Variants in RAB27A observed in about 807,000 individuals in gnomAD.
RAB27A encodes ras-related protein Rab-27A.
A neutral mutation model predicts 20.8 loss-of-function variants in RAB27A; 17 were observed. That is an observed-to-expected ratio of 0.82 (90% CI 0.56 to 1.23). The LOEUF is 1.23. Ranked by LOEUF, RAB27A falls within the 50% of genes most tolerant of loss-of-function variation. The probability of loss-of-function intolerance (pLI) is 0.00; values close to 1 mark genes in which losing one functional copy is unlikely to be tolerated. For missense variants in RAB27A, 277 were observed against 266.7 expected (o/e 1.04, Z -0.27); for synonymous variants, 85 against 92.8 (o/e 0.92, Z 0.48).
intron 2 of RAB27A, among the ~76,000 whole-genome samples, chr15:55,243,754 T>C (rs1215808747): frequency 1.3e-5 from 2 of 152,146 alleles, no homozygotes. Context: ...CAGGGTACAA[T>C]GGGGATCCAA....
At position 55,278,784 on chromosome 15, in the gene RAB27A, G is replaced by C. The variant is rs549185058; in HGVS notation, c.-142-8500C>G. 1.2e-4 allele frequency among the ~76,000 whole-genome samples: 18 copies of C among 152,232 alleles called. 1 individual carries two copies. The highest frequency in any genetic ancestry group is 4.6e-4 in the Admixed American group (7 of 15,290). On this transcript the variant is annotated intron_variant, in intron 1 of 6. Coordinates refer to ENST00000336787, the MANE Select transcript of RAB27A (RefSeq NM_183235.3). The stretch of plus-strand genomic sequence containing the variant: ...GGCGTGAGCCACCGCACCTGGCCCA[G>C]TCTTCTAATTATTTAGTGAATTCAG...
intron 1 of RAB27A, chr15:55,314,163 C>CAAAAAA (rs11454060): frequency 2.0e-5 from 2 of 99,028 alleles, no homozygotes; most frequent in East Asian, 4.9e-4. Flanking sequence ...GACTGTATCT[C>CAAAAAA]AAAAAAAAAA....
intron 5 of RAB27A, 97 bp downstream of exon 5, chr15:55,228,512 C>G (rs554056276): frequency 1.0e-6 from 1 of 956,274 alleles, no homozygotes; most frequent in Non-Finnish European, 1.7e-6. Context: ...ACTAAGATCT[C>G]CTCCAAAACG....
At chr15:55,292,438 C>T (rs567402608), upstream of RAB27A, among the ~76,000 whole-genome samples, 1 of 152,288 alleles carries the variant, frequency 6.6e-6, no homozygotes, top group East Asian at 1.9e-4. Context: ...AATTAGCACG[C>T]TGTAATCCAA....
intron 2 of RAB27A, among the ~76,000 whole-genome samples, chr15:55,305,077 T>G (rs895316818): frequency 6.6e-6 from 1 of 152,156 alleles, no homozygotes; most frequent in Non-Finnish European, 1.5e-5. Context: ...TAGTGAGATC[T>G]CTTTACTACC....
At chr15:55,283,608 C>T (rs1214784904) in intron 1 of RAB27A, among the ~76,000 whole-genome samples, 1 of 152,114 alleles carries the variant, frequency 6.6e-6, no homozygotes, top group African/African-American at 2.4e-5. Flanking sequence ...GACTGTTACA[C>T]CTCTTCACTC....
At chr15:55,265,225 G>A (rs148824481) in intron 2 of RAB27A, among the ~76,000 whole-genome samples, 144 of 152,072 alleles carry the variant, frequency 9.5e-4, no homozygotes, top group African/African-American at 3.3e-3. Flanking sequence ...TGGGCGACAA[G>A]AGTAAAACTC....
chr15:55,286,692 T>A (rs1476970913), intron 1 of RAB27A, among the ~76,000 whole-genome samples: 1 of 151,810 alleles, frequency 6.6e-6, no homozygotes, highest in Non-Finnish European at 1.5e-5. Context: ...TAGACCATGG[T>A]GAGGACTCTG....
chr15:55,237,111 T>G (rs530212287), intron 2 of RAB27A, among the ~76,000 whole-genome samples: 3 of 152,198 alleles, frequency 2.0e-5, no homozygotes, highest in African/African-American at 7.2e-5. Flanking sequence ...TCTATACACA[T>G]GCCAGATGTC....
Position 55,205,211 on chromosome 15 carries a change from T to G in RAB27A, c.*296A>C. 1 of 432,748 alleles carries G rather than the reference T, an allele frequency of 2.3e-6. No individual in the cohort carries two copies. Among genetic ancestry groups the G allele is most frequent in the Non-Finnish European group, 4.3e-6 (1 of 232,670 alleles). 26.8% of individuals were successfully genotyped at this position (432,748 alleles called of 1,614,324 possible). On this transcript the variant is annotated 3_prime_UTR_variant, in exon 7 of 7. Transcript: ENST00000336787. Reference sequence around the variant, plus strand: ...TTCATTCTACATAATAAATACACTCTTCTGTGACTGCAAAATTCTGAATCC... The same window carrying G: ...TTCATTCTACATAATAAATACACTCGTCTGTGACTGCAAAATTCTGAATCC...
chr15:55,240,691 A>AT (rs748061998), intron 2 of RAB27A, among the ~76,000 whole-genome samples: 1 of 152,292 alleles, frequency 6.6e-6, no homozygotes, highest in Non-Finnish European at 1.5e-5. Flanking sequence ...ACTTTGGAAA[A>AT]TTTATTTAGT....
In RAB27A at chr15:55,299,285, T is replaced by G. The variant is rs1197347441; in HGVS notation, c.-112+14754A>C. 2.0e-5 allele frequency among the ~76,000 whole-genome samples: 3 copies of G among 152,270 alleles called. 1 individual carries two copies. Among genetic ancestry groups the G allele is most frequent in the African/African-American group, 7.2e-5 (3 of 41,552 alleles). On this transcript the variant is annotated intron_variant, in intron 2 of 5. Transcript: ENST00000563262. ...GCCATGGCTTCAGCCGGTCCCTCCA[T>G]TTGGGGCCCCTGACTTCCCGCAACA...
intron 2 of RAB27A, chr15:55,238,087 T>C (rs1896334178): frequency 6.6e-6 from 1 of 152,158 alleles, no homozygotes; most frequent in Admixed American, 6.5e-5. Context: ...AAATTGAAGG[T>C]ATAGACACCA....
At chr15:55,248,082 C>T (rs1201589122) in intron 2 of RAB27A, among the ~76,000 whole-genome samples, 1 of 152,072 alleles carries the variant, frequency 6.6e-6, no homozygotes, top group Non-Finnish European at 1.5e-5. Context: ...TCCAGGCGCC[C>T]ATCACCTCAC....
chr15:55,312,941 A>ATC (rs201744976), intron 2 of RAB27A, among the ~76,000 whole-genome samples: 7 of 151,844 alleles, frequency 4.6e-5, no homozygotes, highest in South Asian at 2.1e-4. Flanking sequence ...ACTGCTCTCC[A>ATC]TCTCTCTCTC....
chr15:55,226,534 T>TGA, intron 5 of RAB27A, among the ~76,000 whole-genome samples: 1 of 150,166 alleles, frequency 6.7e-6, no homozygotes, highest in African/African-American at 2.4e-5. Context: ...TGTGTGTGTG[T>TGA]GAGTGTGTAT....
intron 2 of RAB27A, among the ~76,000 whole-genome samples, chr15:55,307,823 C>T (rs891937393): frequency 6.6e-6 from 1 of 151,198 alleles, no homozygotes; most frequent in Non-Finnish European, 1.5e-5. Flanking sequence ...CTTTGGCACA[C>T]TTCACAGGCC....
rs113622732 is a variant in RAB27A, at chr15:55,309,830, T to C, written c.-112+4209A>G. 1.2e-4 allele frequency among the ~76,000 whole-genome samples: 19 copies of C among 152,238 alleles called. 1 individual carries two copies. Among genetic ancestry groups the C allele is most frequent in the African/African-American group, 4.1e-4 (17 of 41,536 alleles). On this transcript the variant is annotated intron_variant, in intron 2 of 5. Transcript: ENST00000563262. Reference sequence around the variant, plus strand: ...TTTCTGTACTCCTAAAATTGTAGTATTGCAGGGGCTACTGCACGGTTTTAC... The same window carrying C: ...TTTCTGTACTCCTAAAATTGTAGTACTGCAGGGGCTACTGCACGGTTTTAC...
intron 2 of RAB27A, among the ~76,000 whole-genome samples, chr15:55,252,847 C>T (rs1252769414): frequency 6.6e-6 from 1 of 152,140 alleles, no homozygotes; most frequent in Non-Finnish European, 1.5e-5. Context: ...GTTTGAAAGG[C>T]TCCCTGGCCG....
Sources: gnomAD v4.1 joint callset for allele counts (sites outside exome capture counted in the v4.1 genomes callset) on GRCh38, gnomAD v4.1.1 for gene constraint, MANE v1.5 for transcripts, NCBI Gene and HGNC (gene_info 2026-07-23, HGNC 2026-07-21) for gene names.